Variants in LHX6 observed in about 807,000 individuals in gnomAD.
LHX6 encodes the protein LIM homeobox 6.
LHX6 carries 15 observed loss-of-function variants against 47.1 expected under a neutral mutation model. The observed-to-expected ratio is 0.32, with a 90% CI of 0.21 to 0.49. The LOEUF is 0.49. Among genes scored for constraint, LHX6 ranks in the 20% least tolerant of loss-of-function variants. The pLI, the probability that LHX6 is intolerant of heterozygous loss-of-function variation, is 0.99. For missense variants in LHX6, 404 were observed against 539.6 expected (o/e 0.75, Z 2.49); for synonymous variants, 242 against 233.5 (o/e 1.04, Z -0.33).
Position 122,214,191 on chromosome 9 carries a change from T to TGGCGGGGCGGGG in LHX6, c.783+91_783+92insCCCCGCCCCGCC. The TGGCGGGGCGGGG allele has an allele frequency of 1.1e-6, 1 of 935,976 alleles. No individual in the cohort carries two copies. Among genetic ancestry groups the TGGCGGGGCGGGG allele is most frequent in the Non-Finnish European group, 1.5e-6 (1 of 658,952 alleles). The allele number at this position is 935,976 out of a possible 1,614,324, so 58.0% of individuals were successfully genotyped here. ...CTGCGGCCCCGCCCCGCCACCCGGG[T>TGGCGGGGCGGGG]CCGGCCCGAGGGGCGGAGCCAGGAG... On this transcript the variant is annotated intron_variant, in intron 6 of 9. Coordinates refer to ENST00000394319, the MANE Select transcript of LHX6 (RefSeq NM_014368.5). This position sits in a 1 kb window ranked among gnomAD's most constrained non-coding sequence, Gnocchi z 4.6.
At chr9:122,225,926 G>A (rs968412555) in intron 4 of LHX6, among the ~76,000 whole-genome samples, 2 of 152,230 alleles carry the variant, frequency 1.3e-5, no homozygotes, top group Non-Finnish European at 2.9e-5. Context: ...TCAGCGTCCA[G>A]CCCGCGAGAG....
chr9:122,214,317 CGCTTGGCCG>C lies in LHX6; in HGVS notation c.740_748del (p.Pro247_Lys249del). On this transcript the variant is annotated inframe_deletion, in exon 6 of 10. Coordinates refer to ENST00000394319, the MANE Select transcript of LHX6 (RefSeq NM_014368.5). The surrounding 1 kb of genome is among the most constrained non-coding windows in gnomAD (Gnocchi z 4.6). ...TTCCGCGGTGAAGGACGTCCGCGCG[CGCTTGGCCG>C]GCTTGGGTTGACTGTCCTGTTCCGA... is the stretch of plus-strand genomic sequence containing the variant. The C allele has an allele frequency of 6.2e-7, 1 of 1,600,070 alleles. No individual in the cohort carries two copies. The highest frequency in any genetic ancestry group is 1.1e-5 in the South Asian group (1 of 89,872).
chr9:122,221,352 C>G (rs1199764531), intron 4 of LHX6: 1 of 985,548 alleles, frequency 1.0e-6, no homozygotes, highest in Non-Finnish European at 1.2e-6. Flanking sequence ...AGCTGGCCGC[C>G]GCTGGGCCGC....
rs116648391 is a variant in LHX6, at chr9:122,221,067, G to A, written c.462-3779C>T. ...TAGTTACCAAGCTATTGAGCCGAGA[G>A]GCCGAAACTCAAACGGAGGTTCACT... On this transcript the variant is annotated intron_variant, in intron 4 of 9. Transcript: ENST00000394319. 4.1e-4 allele frequency: 400 copies of A among 985,070 alleles called. No homozygotes were observed. In the African/African-American group the frequency reaches 6.3e-3, roughly 16 times the overall value. The allele number at this position is 985,070 out of a possible 1,614,324, so 61.0% of individuals were successfully genotyped here.
rs948122166 is a variant in LHX6 at position 122,226,004 on chromosome 9, G to T, written c.461+372C>A. ...CCCGAACGCACTGGAAATGCAGCCG[G>T]ACGACGGCTGGGATCCGAGTGGGTC... On this transcript the variant is annotated intron_variant, in intron 4 of 9. Transcript: ENST00000394319. This position sits in a 1 kb window ranked among gnomAD's most constrained non-coding sequence, Gnocchi z 6.5. Among the ~76,000 whole-genome samples, 5 of 152,300 alleles carry T rather than the reference G, an allele frequency of 3.3e-5. No homozygotes were observed. The highest frequency in any genetic ancestry group is 1.9e-4 in the East Asian group (1 of 5,166).
rs1303162360 is a variant in LHX6 at position 122,214,471 on chromosome 9, G to A, written c.683-88C>T. The A allele has an allele frequency of 7.1e-7, 1 of 1,416,322 alleles. No individual in the cohort carries two copies. The highest frequency in any genetic ancestry group is 9.2e-7 in the Non-Finnish European group (1 of 1,089,934). 87.7% of individuals were successfully genotyped at this position (1,416,322 alleles called of 1,614,324 possible). The stretch of plus-strand genomic sequence containing the variant: ...ACGGGGGTGGGGGGAGCTTGTCCCT[G>A]GAAGGGTCAGGAGCGGGAGTTGGCT... On this transcript the variant is annotated intron_variant, in intron 5 of 9. Transcript: ENST00000394319. This position sits in a 1 kb window ranked among gnomAD's most constrained non-coding sequence, Gnocchi z 4.6.
At chr9:122,206,459 C>T (rs2118820305) in intron 9 of LHX6, among the ~76,000 whole-genome samples, 1 of 152,188 alleles carries the variant, frequency 6.6e-6, no homozygotes, top group South Asian at 2.1e-4. Flanking sequence ...TAGGAGCTGG[C>T]GGAAAGGCCT....
intron 4 of LHX6, among the ~76,000 whole-genome samples, chr9:122,218,271 C>A (rs1830672131): frequency 6.6e-6 from 1 of 152,104 alleles, no homozygotes; most frequent in African/African-American, 2.4e-5. Flanking sequence ...GTGGATGACT[C>A]ACCTGTGACT....
At chr9:122,228,322 A>G (rs1416296560) in intron 1 of LHX6, 1 of 1,534,460 alleles carries the variant, frequency 6.5e-7, no homozygotes, top group African/African-American at 1.4e-5. Flanking sequence ...CCGCGTCGGG[A>G]TTCTCAGCGC....
In LHX6 at chr9:122,228,781, G is replaced by T. The variant is rs1257477202; in HGVS notation, c.-41C>A. ...GGGCTCAGCGGGCGCGCAGCGCGGA[G>T]AGCTGCGCCGAGGGGGACCACAGCC... On this transcript the variant is annotated 5_prime_UTR_variant, in exon 1 of 10. Coordinates refer to ENST00000394319, the MANE Select transcript of LHX6 (RefSeq NM_014368.5). 8.3e-7 allele frequency: 1 copy of T among 1,207,750 alleles called. No homozygotes were observed. 74.8% of individuals were successfully genotyped at this position (1,207,750 alleles called of 1,614,324 possible).
At position 122,221,398 on chromosome 9, in the gene LHX6, G is replaced by C. The variant is rs944777334; in HGVS notation, c.462-4110C>G. The C allele has an allele frequency of 6.1e-6, 6 of 985,578 alleles. No homozygotes were observed. In the African/African-American group the frequency reaches 8.7e-5, roughly 14 times the overall value. The allele number at this position is 985,578 out of a possible 1,614,324, so 61.1% of individuals were successfully genotyped here. A position where few individuals can be genotyped will look rare whatever the true frequency, so the allele number is the denominator to read the frequency against. On this transcript the variant is annotated intron_variant, in intron 4 of 9. Coordinates refer to ENST00000394319, the MANE Select transcript of LHX6 (RefSeq NM_014368.5). ...GGTGGGGGGCCGCTTCCCGCTCTGC[G>C]CTTCCCCTGGGACCCTCGCTTTGCG... is the stretch of plus-strand genomic sequence containing the variant.
In LHX6 at chr9:122,214,659, CAG is replaced by C. The variant is rs1830532206; in HGVS notation, c.683-278_683-277del. 6.6e-6 allele frequency among the ~76,000 whole-genome samples: 1 copy of C among 152,120 alleles called. No homozygotes were observed. The highest frequency in any genetic ancestry group is 2.4e-5 in the African/African-American group (1 of 41,426). ...TTATACATGGGAGGAAACTGAGGCT[CAG>C]AGAGAAGGAAAGCCCCTGCCCTGGC... On this transcript the variant is annotated intron_variant, in intron 5 of 9. Coordinates refer to ENST00000394319, the MANE Select transcript of LHX6 (RefSeq NM_014368.5). This position sits in a 1 kb window ranked among gnomAD's most constrained non-coding sequence, Gnocchi z 4.6.
chr9:122,224,054 GTC>G (rs1479385472), intron 4 of LHX6, among the ~76,000 whole-genome samples: 1 of 152,066 alleles, frequency 6.6e-6, no homozygotes, highest in Admixed American at 6.5e-5. Flanking sequence ...TTGAGACAGA[GTC>G]TCTCTCTGTT....
chr9:122,223,801 C>T (rs963841702), intron 4 of LHX6, among the ~76,000 whole-genome samples: 1 of 152,168 alleles, frequency 6.6e-6, no homozygotes, highest in African/African-American at 2.4e-5. Context: ...CTCAGTCCAG[C>T]ATGGGCATGG....
Position 122,214,073 on chromosome 9 carries a change from C to CGGGGCGGGG in LHX6, c.784-13_784-5dup. 4 of 1,599,600 alleles carry CGGGGCGGGG rather than the reference C, an allele frequency of 2.5e-6. No homozygotes were observed. Among genetic ancestry groups the CGGGGCGGGG allele is most frequent in the Non-Finnish European group, 3.4e-6 (4 of 1,178,810 alleles). ...GCGCGAACTGCGCCTGCATAACCTG[C>CGGGGCGGGG]GGGGCGGGGAGGGCGGTGAGGCGCT... On this transcript the variant is annotated splice_region_variant and splice_polypyrimidine_tract_variant and intron_variant, in intron 6 of 9. Coordinates refer to ENST00000394319, the MANE Select transcript of LHX6 (RefSeq NM_014368.5). This position sits in a 1 kb window ranked among gnomAD's most constrained non-coding sequence, Gnocchi z 4.6.
intron 2 of LHX6, 105 bp downstream of exon 2, chr9:122,227,304 T>TC: frequency 1.7e-6 from 2 of 1,155,902 alleles, no homozygotes; most frequent in South Asian, 3.7e-5. Flanking sequence ...CCGCCGGGAG[T>TC]CCCCCAGAGC....
intron 4 of LHX6, chr9:122,221,007 A>G (rs938932261): frequency 4.7e-5 from 40 of 854,470 alleles, no homozygotes; most frequent in Admixed American, 1.2e-4. Context: ...TTTTCTGTAC[A>G]AGGAAACCAA....
chr9:122,227,315 G>A (rs1048429413), intron 2 of LHX6, 94 bp downstream of exon 2: 7 of 1,243,850 alleles, frequency 5.6e-6, no homozygotes, highest in South Asian at 1.6e-5. Context: ...CCCCCAGAGC[G>A]TGAGCAGCAG....
intron 4 of LHX6, among the ~76,000 whole-genome samples, chr9:122,224,696 TGCACG>T (rs1477173657): frequency 6.6e-6 from 1 of 151,912 alleles, no homozygotes; most frequent in Non-Finnish European, 1.5e-5. Flanking sequence ...CCACTTTGCG[TGCACG>T]TGCACGCACA....
Sources: gnomAD v4.1 joint callset for allele counts (sites outside exome capture counted in the v4.1 genomes callset) on GRCh38, gnomAD v4.1.1 for gene constraint, Gnocchi (gnomAD v3.1) non-coding constraint, MANE v1.5 for transcripts, NCBI Gene and HGNC (gene_info 2026-07-23, HGNC 2026-07-21) for gene names.